Variants in TRAPPC9 observed in about 807,000 individuals in gnomAD.
TRAPPC9 encodes the protein trafficking protein particle complex subunit 9.
A neutral mutation model predicts 124.0 loss-of-function variants in TRAPPC9; 83 were observed. That is an observed-to-expected ratio of 0.67 (90% CI 0.56 to 0.80). The LOEUF is 0.80. Ranked by LOEUF, TRAPPC9 falls within the 30% of genes least tolerant of loss-of-function variation. TRAPPC9 has a pLI of 0.00. For synonymous variants in TRAPPC9, 638 were observed against 617.5 expected, an observed-to-expected ratio of 1.03 and a Z score of -0.49; for missense variants, 1,302 against 1,508.3, an observed-to-expected ratio of 0.86 and a Z score of 2.27.
chr8:140,115,714 T>C (rs2060870714), intron 17 of TRAPPC9, among the ~76,000 whole-genome samples: 1 of 152,126 alleles, frequency 6.6e-6, no homozygotes, highest in Admixed American at 6.5e-5. Context: ...GATAATCACC[T>C]GGGACAAGCA....
At chr8:139,737,619 C>T (rs2130022158) in intron 21 of TRAPPC9, among the ~76,000 whole-genome samples, 1 of 152,340 alleles carries the variant, frequency 6.6e-6, no homozygotes, top group Non-Finnish European at 1.5e-5. Flanking sequence ...AGGACTGGCT[C>T]CTCCTTCCCT....
rs56659960 is a variant in TRAPPC9, at chr8:140,381,667, CA to C, written c.1135-10488del. Among the ~76,000 whole-genome samples, 57 of 48,384 alleles carry C rather than the reference CA, an allele frequency of 1.2e-3. No homozygotes were observed. The East Asian group carries it at 0.021, about 17-fold the overall frequency. The allele number at this position is 48,384 out of a possible 152,430, so 31.7% of individuals were successfully genotyped here. ...TGGACAACAGAGTGAGACTCTGTCTCAAAAAAAAAAAAAAAAAAAAAAAAGC... is the reference window on the plus strand; with the variant it reads ...TGGACAACAGAGTGAGACTCTGTCTCAAAAAAAAAAAAAAAAAAAAAAAGC... On this transcript the variant is annotated intron_variant, in intron 7 of 22. Coordinates refer to ENST00000438773, the MANE Select transcript of TRAPPC9 (RefSeq NM_001160372.4).
intron 5 of TRAPPC9, among the ~76,000 whole-genome samples, chr8:140,419,083 G>A (rs543777430): frequency 3.3e-5 from 5 of 152,264 alleles, no homozygotes; most frequent in East Asian, 3.9e-4. Flanking sequence ...CACAAGGTCA[G>A]GAGATCGAGA....
At chr8:140,052,402 T>A (rs929454193) in intron 17 of TRAPPC9, among the ~76,000 whole-genome samples, 7 of 152,126 alleles carry the variant, frequency 4.6e-5, no homozygotes, top group Non-Finnish European at 7.4e-5. Flanking sequence ...TTTGAGAGGC[T>A]GAGGTGGGAG....
intron 7 of TRAPPC9, among the ~76,000 whole-genome samples, chr8:140,379,157 T>A (rs1239954775): frequency 6.6e-6 from 1 of 152,062 alleles, no homozygotes; most frequent in African/African-American, 2.4e-5. Context: ...GCCTGGTAAC[T>A]GGGGCCACAG....
chr8:140,403,442 A>AAAG (rs1198731377), intron 6 of TRAPPC9, among the ~76,000 whole-genome samples: 1 of 151,808 alleles, frequency 6.6e-6, no homozygotes, highest in Non-Finnish European at 1.5e-5. Flanking sequence ...AAAAAAAAAA[A>AAAG]AAGATATTTC....
intron 17 of TRAPPC9, among the ~76,000 whole-genome samples, chr8:140,094,524 G>A (rs114338234): frequency 0.014 from 2,128 of 152,252 alleles, 52 homozygotes; most frequent in African/African-American, 0.048. Flanking sequence ...CACCCTGTTA[G>A]CCACAGCACT....
intron 17 of TRAPPC9, among the ~76,000 whole-genome samples, chr8:140,109,660 C>CTAAG: frequency 6.6e-6 from 1 of 152,312 alleles, no homozygotes; most frequent in East Asian, 1.9e-4. Flanking sequence ...TGAGAAGCAG[C>CTAAG]TAAGGGTCAA....
At chr8:139,924,294 G>A (rs1393960107) in intron 19 of TRAPPC9, among the ~76,000 whole-genome samples, 1 of 152,240 alleles carries the variant, frequency 6.6e-6, no homozygotes, top group Non-Finnish European at 1.5e-5. Context: ...CACAGAGCAT[G>A]CACCTGATGG....
rs1433990922 is a variant in TRAPPC9 at position 140,340,232 on chromosome 8, T to C, written c.1495+19818A>G. ...AGTCAAAAATAAAGGCTCCCCCATC[T>C]GTTCCCACCTGGCTGAGAAACAATC... On this transcript the variant is annotated intron_variant, in intron 9 of 22. Transcript: ENST00000438773. 2.0e-5 allele frequency among the ~76,000 whole-genome samples: 3 copies of C among 152,244 alleles called. No individual in the cohort carries two copies. The East Asian group carries it at 5.8e-4, about 29-fold the overall frequency.
At chr8:139,979,347 C>T (rs1459360549) in intron 19 of TRAPPC9, among the ~76,000 whole-genome samples, 3 of 152,178 alleles carry the variant, frequency 2.0e-5, no homozygotes, top group Non-Finnish European at 4.4e-5. Flanking sequence ...TTCCCACTCA[C>T]CCGCCCACTC....
At chr8:139,979,479 C>T (rs1359484572) in intron 19 of TRAPPC9, among the ~76,000 whole-genome samples, 1 of 152,200 alleles carries the variant, frequency 6.6e-6, no homozygotes, top group Admixed American at 6.5e-5. Flanking sequence ...ATGGCTCCTG[C>T]ACTCGGGTGC....
At position 140,451,299 on chromosome 8, in the gene TRAPPC9, G is replaced by A. The variant is rs373341499; in HGVS notation, c.75C>T (p.Ile25=). ...TLLVVVQPVG[I]VSEENFFRIY... The stretch of plus-strand genomic sequence containing the variant: ...TCCTGAAGAAGTTCTCCTCGGAGAC[G>A]ATGCCCACAGGCTGGACCACCACGA... The change falls in exon 2 of 23, where the codon ATC becomes ATT. Residue 25 remains isoleucine (I), a synonymous_variant. Transcript: ENST00000438773. 4.3e-5 allele frequency: 70 copies of A among 1,609,234 alleles called. 1 individual carries two copies. The highest frequency in any genetic ancestry group is 3.9e-4 in the African/African-American group (29 of 74,940).
chr8:139,870,671 C>T (rs1316917626), intron 21 of TRAPPC9, among the ~76,000 whole-genome samples: 1 of 152,178 alleles, frequency 6.6e-6, no homozygotes, highest in African/African-American at 2.4e-5. Flanking sequence ...GGTAGAACAG[C>T]TGTCACAGGA....
intron 18 of TRAPPC9, among the ~76,000 whole-genome samples, chr8:139,995,868 A>C (rs574970106): frequency 7.6e-4 from 114 of 149,634 alleles, no homozygotes; most frequent in African/African-American, 2.7e-3. Flanking sequence ...CATTAAAAAA[A>C]AAAAAAAAAA....
rs147511681 is a variant in TRAPPC9, at chr8:140,285,768, A to C, written c.1982-1747T>G. On this transcript the variant is annotated intron_variant, in intron 13 of 22. Transcript: ENST00000438773. ...AGTTCCTAGTTAGCCTTCAAGCCTC[A>C]GGGTCACTGACCCACTCACTCTCCC... is the stretch of plus-strand genomic sequence containing the variant. Among the ~76,000 whole-genome samples, 23 of 151,694 alleles carry C rather than the reference A, an allele frequency of 1.5e-4. No homozygotes were observed. The East Asian group carries it at 4.5e-3, about 30-fold the overall frequency.
chr8:140,349,635 C>T (rs962136097), intron 9 of TRAPPC9, among the ~76,000 whole-genome samples: 67 of 152,186 alleles, frequency 4.4e-4, no homozygotes, highest in East Asian at 2.3e-3. Flanking sequence ...CAGGAGGGAG[C>T]GGGGAACACG....
At chr8:140,318,724 G>A (rs772670194) in intron 9 of TRAPPC9, among the ~76,000 whole-genome samples, 7 of 152,202 alleles carry the variant, frequency 4.6e-5, no homozygotes, top group Non-Finnish European at 8.8e-5. Flanking sequence ...TTTTACAGGT[G>A]TATAGTATTC....
At chr8:139,930,170 G>T (rs1462928155) in intron 19 of TRAPPC9, among the ~76,000 whole-genome samples, 1 of 152,212 alleles carries the variant, frequency 6.6e-6, no homozygotes, top group Non-Finnish European at 1.5e-5. Context: ...GACAGCCAAG[G>T]GGGTGACACT....
Sources: gnomAD v4.1 joint callset for allele counts (sites outside exome capture counted in the v4.1 genomes callset) on GRCh38, gnomAD v4.1.1 for gene constraint, MANE v1.5 for transcripts, NCBI Gene and HGNC (gene_info 2026-07-23, HGNC 2026-07-21) for gene names.